Variants in RAD51AP1 observed in about 807,000 individuals in gnomAD.
The protein encoded by RAD51AP1 is RAD51 associated protein 1.
In RAD51AP1, 14 loss-of-function variants were observed where a neutral mutation model predicts 34.3. The ratio of observed to expected loss-of-function variants is 0.41; its 90% CI spans 0.27 to 0.64. The LOEUF (loss-of-function observed/expected upper bound fraction) is 0.64, where lower values mean the gene tolerates loss of function less well. RAD51AP1 is among the 30% of genes least tolerant of loss of function. RAD51AP1 has a pLI of 0.33. For missense variants in RAD51AP1, 348 were observed against 386.9 expected (o/e 0.90, Z 0.84); for synonymous variants, 114 against 129.8 (o/e 0.88, Z 0.83).
Position 4,545,698 on chromosome 12 carries a change from A to T in RAD51AP1, c.210-611A>T. 3 of 1,451,414 alleles carry T rather than the reference A, an allele frequency of 2.1e-6. No individual in the cohort carries two copies. The South Asian group carries it at 3.7e-5, about 18-fold the overall frequency. The allele number at this position is 1,451,414 out of a possible 1,614,324, so 89.9% of individuals were successfully genotyped here. ...CTTATACTCCATAGCACTTTTGAGC[A>T]GCTTGAATAGGACTTTATAGTCTGC... is the stretch of plus-strand genomic sequence containing the variant. On this transcript the variant is annotated intron_variant, in intron 3 of 8. Coordinates refer to ENST00000352618, the MANE Select transcript of RAD51AP1 (RefSeq NM_006479.5).
At position 4,546,174 on chromosome 12, in the gene RAD51AP1, TTAA is replaced by T. The variant is rs555888177; in HGVS notation, c.210-133_210-131del. 1.5e-3 allele frequency: 934 copies of T among 642,864 alleles called. 13 individuals are homozygous for T. In the South Asian group the frequency reaches 0.015, roughly 10 times the overall value. 39.8% of individuals were successfully genotyped at this position (642,864 alleles called of 1,614,324 possible). On this transcript the variant is annotated intron_variant, in intron 3 of 8. Transcript: ENST00000352618. ...GTCTTATCTTATCATCAAAGGTCTATTAATGATGATTGTTTAAAAACATTTTTG... is the reference window on the plus strand; with the variant it reads ...GTCTTATCTTATCATCAAAGGTCTATTGATGATTGTTTAAAAACATTTTTG...
At chr12:4,554,046 T>C (rs1944565541) in intron 7 of RAD51AP1, among the ~76,000 whole-genome samples, 2 of 142,414 alleles carry the variant, frequency 1.4e-5, no homozygotes, top group Admixed American at 6.9e-5. Flanking sequence ...TTAATTAGAG[T>C]GTTTTTTTTT....
chr12:4,545,081 C>A, intron 3 of RAD51AP1: 1 of 316,112 alleles, frequency 3.2e-6, no homozygotes, highest in Non-Finnish European at 6.3e-6. Flanking sequence ...AAACATATGC[C>A]CACACAAAAA....
intron 3 of RAD51AP1, chr12:4,545,800 T>C: frequency 3.1e-6 from 5 of 1,613,454 alleles, no homozygotes; most frequent in Non-Finnish European, 4.2e-6. Context: ...AAGGTACTTT[T>C]AGTATTCCAG....
intron 4 of RAD51AP1, among the ~76,000 whole-genome samples, chr12:4,547,175 C>T (rs1034900863): frequency 6.6e-6 from 1 of 152,206 alleles, no homozygotes; most frequent in Non-Finnish European, 1.5e-5. Flanking sequence ...TCAAGCAGTC[C>T]TCCTGCCTCA....
At chr12:4,547,408 T>C (rs190649665) in intron 4 of RAD51AP1, among the ~76,000 whole-genome samples, 217 of 152,306 alleles carry the variant, frequency 1.4e-3, no homozygotes, top group African/African-American at 4.9e-3. Flanking sequence ...GGAAGACTTT[T>C]AGTAACCAAG....
intron 3 of RAD51AP1, among the ~76,000 whole-genome samples, chr12:4,545,576 A>G (rs950141323): frequency 2.6e-5 from 4 of 152,310 alleles, no homozygotes; most frequent in Non-Finnish European, 5.9e-5. Context: ...ATATCTTAAG[A>G]AAACTGTTAT....
intron 3 of RAD51AP1, among the ~76,000 whole-genome samples, chr12:4,544,692 A>G (rs1944493636): frequency 6.6e-6 from 1 of 152,214 alleles, no homozygotes; most frequent in Non-Finnish European, 1.5e-5. Flanking sequence ...GATAACTGAT[A>G]AGGGACTGTA....
chr12:4,558,641 T>TC, intron 8 of RAD51AP1, among the ~76,000 whole-genome samples: 1 of 152,228 alleles, frequency 6.6e-6, no homozygotes. Context: ...GGTTTTAGTG[T>TC]CATTACCTTG....
intron 5 of RAD51AP1, 81 bp downstream of exon 5, chr12:4,548,259 A>G: frequency 2.6e-6 from 4 of 1,541,280 alleles, no homozygotes; most frequent in Middle Eastern, 4.1e-4. Flanking sequence ...AATTGTGGCT[A>G]GAAGCAAGTT....
intron 6 of RAD51AP1, among the ~76,000 whole-genome samples, chr12:4,549,538 A>G (rs1300929855): frequency 6.6e-6 from 1 of 152,160 alleles, no homozygotes; most frequent in African/African-American, 2.4e-5. Flanking sequence ...GATACTAGGG[A>G]TACAATAGTG....
chr12:4,553,512 A>G (rs890542728), intron 7 of RAD51AP1, among the ~76,000 whole-genome samples: 1 of 152,232 alleles, frequency 6.6e-6, no homozygotes, highest in African/African-American at 2.4e-5. Flanking sequence ...GTCCATTCAG[A>G]GTCTAAGCTG....
intron 5 of RAD51AP1, 104 bp from the exon 6 acceptor site, chr12:4,548,583 C>T: frequency 7.4e-7 from 1 of 1,353,194 alleles, no homozygotes. Flanking sequence ...GAGGGATGAA[C>T]CTGGGCAAAT....
chr12:4,547,438 G>T (rs1944514523), intron 4 of RAD51AP1, among the ~76,000 whole-genome samples: 1 of 152,144 alleles, frequency 6.6e-6, no homozygotes. Context: ...AACATCAAAA[G>T]AGAATTATCA....
intron 1 of RAD51AP1, 105 bp downstream of exon 1, chr12:4,539,061 G>A: frequency 7.7e-7 from 1 of 1,299,678 alleles, no homozygotes; most frequent in South Asian, 1.2e-5. Context: ...CGATGGTGGG[G>A]TTAGGATGGA....
intron 2 of RAD51AP1, among the ~76,000 whole-genome samples, chr12:4,543,201 A>G (rs1944481575): frequency 6.6e-6 from 1 of 152,064 alleles, no homozygotes; most frequent in East Asian, 1.9e-4. Context: ...CTGGGATTAT[A>G]GGTGTCCGCC....
At position 4,559,262 on chromosome 12, in the gene RAD51AP1, A is replaced by T. The variant is rs1338074079; in HGVS notation, c.*269A>T. 14 of 291,078 alleles carry T rather than the reference A, an allele frequency of 4.8e-5. No homozygotes were observed. Among genetic ancestry groups the T allele is most frequent in the Non-Finnish European group, 3.8e-5 (6 of 157,188 alleles). The allele number at this position is 291,078 out of a possible 1,614,324, so 18.0% of individuals were successfully genotyped here. ...TCTATCAGTTCGACATGAAGTCCAC[A>T]TCACATGCTGTTCTTTTCTAGTTAC... is the stretch of plus-strand genomic sequence containing the variant. On this transcript the variant is annotated 3_prime_UTR_variant, in exon 9 of 9. Coordinates refer to ENST00000352618, the MANE Select transcript of RAD51AP1 (RefSeq NM_006479.5).
rs1944604696 is a variant in RAD51AP1 at position 4,559,281 on chromosome 12, TAG to T, written c.*289_*290del. The T allele has an allele frequency of 4.2e-6, 1 of 240,712 alleles. No homozygotes were observed. Among genetic ancestry groups the T allele is most frequent in the Non-Finnish European group, 8.0e-6 (1 of 125,670 alleles). The allele number at this position is 240,712 out of a possible 1,614,324, so 14.9% of individuals were successfully genotyped here. ...GTCCACATCACATGCTGTTCTTTTC[TAG>T]TTACATGATGTGCCTTTCTAGCTTT... is the stretch of plus-strand genomic sequence containing the variant. On this transcript the variant is annotated 3_prime_UTR_variant, in exon 9 of 9. Coordinates refer to ENST00000352618, the MANE Select transcript of RAD51AP1 (RefSeq NM_006479.5).
intron 8 of RAD51AP1, among the ~76,000 whole-genome samples, chr12:4,558,008 C>T (rs1944594681): frequency 6.6e-6 from 1 of 150,940 alleles, no homozygotes; most frequent in African/African-American, 2.4e-5. Flanking sequence ...ACCATGTGAA[C>T]CAAAACAATA....
Sources: allele counts gnomAD v4.1 joint callset (sites outside exome capture counted in the v4.1 genomes callset), GRCh38; gene constraint gnomAD v4.1.1; transcripts MANE v1.5; gene names NCBI Gene and HGNC (gene_info 2026-07-23, HGNC 2026-07-21).